CFAP299: variants seen among roughly 807,000 people sequenced by gnomAD.
CFAP299 encodes the protein cilia- and flagella-associated protein 299.
CFAP299 carries 21 observed loss-of-function variants against 27.0 expected under a neutral mutation model. The observed-to-expected ratio is 0.78, with a 90% CI of 0.55 to 1.12. The LOEUF is 1.12. CFAP299 is among the 50% of genes most tolerant of loss of function. The pLI is 0.00. For synonymous variants in CFAP299, 104 were observed against 98.1 expected, an observed-to-expected ratio of 1.06 and a Z score of -0.36; for missense variants, 310 against 276.6, an observed-to-expected ratio of 1.12 and a Z score of -0.86.
chr4:80,940,961 T>C (rs1046534362), intron 4 of CFAP299, among the ~76,000 whole-genome samples: 3 of 152,156 alleles, frequency 2.0e-5, no homozygotes, highest in Non-Finnish European at 4.4e-5. Context: ...ATTCAGAATA[T>C]ACAGTTTTCC....
intron 2 of CFAP299, among the ~76,000 whole-genome samples, chr4:80,437,779 C>G (rs1255692144): frequency 6.6e-6 from 1 of 152,202 alleles, no homozygotes; most frequent in Non-Finnish European, 1.5e-5. Context: ...CAAACTGGTC[C>G]TGCCAAAGCG....
chr4:80,876,515 C>T (rs1733387747), intron 4 of CFAP299, among the ~76,000 whole-genome samples: 1 of 152,142 alleles, frequency 6.6e-6, no homozygotes, highest in Admixed American at 6.5e-5. Context: ...GTTAATTAGA[C>T]CTCTTTTCTT....
intron 2 of CFAP299, among the ~76,000 whole-genome samples, chr4:80,393,273 A>G (rs72659822): frequency 7.2e-4 from 109 of 152,340 alleles, no homozygotes; most frequent in Admixed American, 1.0e-3. Flanking sequence ...AGAGACAGAA[A>G]AGTAAAAAAT....
chr4:80,354,170 T>C (rs1011492843), intron 1 of CFAP299, among the ~76,000 whole-genome samples: 2 of 152,188 alleles, frequency 1.3e-5, no homozygotes, highest in African/African-American at 4.8e-5. Context: ...TGTGAACAGA[T>C]GGTGAATCTC....
At chr4:80,784,878 A>G (rs1486832073) in intron 3 of CFAP299, among the ~76,000 whole-genome samples, 6 of 152,090 alleles carry the variant, frequency 3.9e-5, no homozygotes, top group Non-Finnish European at 5.9e-5. Flanking sequence ...TCCTTTGCCC[A>G]TTACTTAATC....
intron 4 of CFAP299, among the ~76,000 whole-genome samples, chr4:80,888,437 A>T (rs1303755130): frequency 1.3e-5 from 2 of 152,062 alleles, no homozygotes; most frequent in Non-Finnish European, 1.5e-5. Context: ...TAATTTAATG[A>T]TTGGAAATAT....
At chr4:80,579,678 A>G (rs953251041) in intron 2 of CFAP299, among the ~76,000 whole-genome samples, 2 of 152,130 alleles carry the variant, frequency 1.3e-5, no homozygotes, top group African/African-American at 2.4e-5. Flanking sequence ...GAACTTTCAT[A>G]AAGATCCACT....
chr4:80,387,520 G>C, intron 2 of CFAP299: 2 of 843,254 alleles, frequency 2.4e-6, no homozygotes, highest in Non-Finnish European at 4.0e-6. Context: ...TGGCGAGCTT[G>C]GTAGGGGCTG....
At chr4:80,764,811 G>A (rs529792934) in intron 3 of CFAP299, among the ~76,000 whole-genome samples, 2 of 152,126 alleles carry the variant, frequency 1.3e-5, no homozygotes, top group Admixed American at 1.3e-4. Flanking sequence ...GGATGAAGTT[G>A]AAAACGATCA....
chr4:80,468,959 C>T (rs1237757237), intron 2 of CFAP299, among the ~76,000 whole-genome samples: 1 of 151,852 alleles, frequency 6.6e-6, no homozygotes, highest in Non-Finnish European at 1.5e-5. Context: ...GGCTCCTCCT[C>T]TTTCATTATT....
chr4:80,540,893 C>T (rs1364394168), intron 2 of CFAP299, among the ~76,000 whole-genome samples: 1 of 152,114 alleles, frequency 6.6e-6, no homozygotes, highest in Non-Finnish European at 1.5e-5. Context: ...CAAACCCTTT[C>T]AACTTTTGTG....
intron 3 of CFAP299, among the ~76,000 whole-genome samples, chr4:80,678,345 G>C (rs1329768706): frequency 1.3e-5 from 2 of 151,858 alleles, no homozygotes; most frequent in African/African-American, 4.8e-5. Flanking sequence ...CTTCTACTCT[G>C]AGCATTGTGC....
chr4:80,346,544 G>C (rs185993412), intron 1 of CFAP299, among the ~76,000 whole-genome samples: 1 of 152,094 alleles, frequency 6.6e-6, no homozygotes, highest in Non-Finnish European at 1.5e-5. Flanking sequence ...CCTTTCCCCA[G>C]TGCTTGTTTT....
chr4:80,676,605 T>A (rs1719475460), intron 3 of CFAP299, among the ~76,000 whole-genome samples: 1 of 152,090 alleles, frequency 6.6e-6, no homozygotes, highest in African/African-American at 2.4e-5. Flanking sequence ...AGGAAAGACT[T>A]TTTTATTATA....
chr4:80,468,209 C>G (rs1560580846), intron 2 of CFAP299, among the ~76,000 whole-genome samples: 1 of 150,930 alleles, frequency 6.6e-6, no homozygotes, highest in Admixed American at 6.6e-5. Context: ...TAAAATATGT[C>G]AAAGTTATAA....
intron 3 of CFAP299, among the ~76,000 whole-genome samples, chr4:80,861,106 G>T (rs1732315224): frequency 1.3e-5 from 2 of 152,218 alleles, no homozygotes; most frequent in South Asian, 4.1e-4. Flanking sequence ...AAGCAAGCCT[G>T]GACAATGGCG....
At position 80,916,351 on chromosome 4, in the gene CFAP299, A is replaced by ATG. The variant is rs201475190; in HGVS notation, c.477-28458_477-28457insGT. ...TTTGTATGTACAGTATATTAATTGC[A>ATG]TACTGGGCATTGTGGATTTTACATT... On this transcript the variant is annotated intron_variant, in intron 4 of 5. Coordinates refer to ENST00000358105, the MANE Select transcript of CFAP299 (RefSeq NM_152770.3). 9.1e-3 allele frequency among the ~76,000 whole-genome samples: 1,327 copies of ATG among 145,696 alleles called. 22 individuals are homozygous for ATG. Among genetic ancestry groups the ATG allele is most frequent in the African/African-American group, 0.033 (1,299 of 39,746 alleles).
At position 80,729,838 on chromosome 4, in the gene CFAP299, C is replaced by T. The variant is rs895461629; in HGVS notation, c.334-140155C>T. On this transcript the variant is annotated intron_variant, in intron 3 of 5. Coordinates refer to ENST00000358105, the MANE Select transcript of CFAP299 (RefSeq NM_152770.3). ...CAGGATGGTTTCGATCTCCTGACCTCGTGATCTGCCCGCCTCGGCCTCCCA... is the reference window on the plus strand; with the variant it reads ...CAGGATGGTTTCGATCTCCTGACCTTGTGATCTGCCCGCCTCGGCCTCCCA... Among the ~76,000 whole-genome samples the T allele has an allele frequency of 3.3e-5, 5 of 152,032 alleles. No individual in the cohort carries two copies. The East Asian group carries it at 5.8e-4, about 18-fold the overall frequency.
At chr4:80,321,842 A>G in the CFAP299 span, among the ~76,000 whole-genome samples, 2 of 152,166 alleles carry the variant, frequency 1.3e-5, no homozygotes, top group Admixed American at 1.3e-4. Context: ...TAAGGAGGTC[A>G]TTGAGTCCAT....
Sources: allele counts gnomAD v4.1 joint callset (sites outside exome capture counted in the v4.1 genomes callset), GRCh38; gene constraint gnomAD v4.1.1; transcripts MANE v1.5; gene names NCBI Gene and HGNC (gene_info 2026-07-23, HGNC 2026-07-21).